Variants in RARB observed in about 807,000 individuals in gnomAD.
RARB encodes HBV-activated protein.
In RARB, 17 loss-of-function variants were observed where a neutral mutation model predicts 51.9. The ratio of observed to expected loss-of-function variants is 0.33; its 90% CI spans 0.22 to 0.49. The LOEUF (loss-of-function observed/expected upper bound fraction) is 0.49, where lower values mean the gene tolerates loss of function less well. RARB is among the 20% of genes least tolerant of loss of function. The pLI, the probability that RARB is intolerant of heterozygous loss-of-function variation, is 0.99. For synonymous variants in RARB, 215 were observed against 195.4 expected, an observed-to-expected ratio of 1.10 and a Z score of -0.84; for missense variants, 369 against 550.8, an observed-to-expected ratio of 0.67 and a Z score of 3.30.
At chr3:25,034,481 T>C (rs1357049396) in intron 2 of RARB, among the ~76,000 whole-genome samples, 1 of 152,174 alleles carries the variant, frequency 6.6e-6, no homozygotes, top group African/African-American at 2.4e-5. Context: ...GAAAAGTGTA[T>C]AGACAGTGAT....
chr3:25,541,508 C>T (rs146291675), intron 3 of RARB, among the ~76,000 whole-genome samples: 1 of 152,294 alleles, frequency 6.6e-6, no homozygotes, highest in East Asian at 1.9e-4. Context: ...GAGTCTAGCT[C>T]TGTATGGAGG....
chr3:25,489,239 G>A (rs1474135247), intron 2 of RARB, among the ~76,000 whole-genome samples: 1 of 152,186 alleles, frequency 6.6e-6, no homozygotes, highest in Non-Finnish European at 1.5e-5. Context: ...GCACTGTGCT[G>A]ACATAATATA....
At chr3:25,485,441 G>A (rs1696417712) in intron 2 of RARB, among the ~76,000 whole-genome samples, 1 of 152,144 alleles carries the variant, frequency 6.6e-6, no homozygotes, top group Admixed American at 6.5e-5. Context: ...TGGTTTCATG[G>A]CTTCAGGTCT....
chr3:25,148,815 C>G (rs1700236212), intron 4 of RARB, among the ~76,000 whole-genome samples: 1 of 152,168 alleles, frequency 6.6e-6, no homozygotes, highest in Non-Finnish European at 1.5e-5. Flanking sequence ...TATTCCCTTT[C>G]TCCTTTTAAA....
At chr3:24,948,764 A>G (rs1327171775) in intron 2 of RARB, among the ~76,000 whole-genome samples, 2 of 152,112 alleles carry the variant, frequency 1.3e-5, no homozygotes, top group African/African-American at 2.4e-5. Flanking sequence ...CACTAAGTTC[A>G]TGTGAGATCT....
intron 2 of RARB, among the ~76,000 whole-genome samples, chr3:25,013,583 T>C (rs1314367975): frequency 4.6e-5 from 7 of 152,090 alleles, no homozygotes; most frequent in Non-Finnish European, 4.4e-5. Flanking sequence ...CCATTTGCCC[T>C]CATCTCATTG....
chr3:25,267,144 G>T (rs1183212123), intron 5 of RARB, among the ~76,000 whole-genome samples: 1 of 152,210 alleles, frequency 6.6e-6, no homozygotes, highest in Non-Finnish European at 1.5e-5. Context: ...AGCTACAGCA[G>T]ATTGTACCGA....
At chr3:25,173,736 A>G (rs1245805037) in intron 4 of RARB, among the ~76,000 whole-genome samples, 4 of 152,252 alleles carry the variant, frequency 2.6e-5, no homozygotes, top group Admixed American at 2.6e-4. Flanking sequence ...AGCTTAAAGC[A>G]TAACTGTTAA....
At chr3:25,522,312 G>C (rs1404682330) in intron 3 of RARB, among the ~76,000 whole-genome samples, 3 of 152,124 alleles carry the variant, frequency 2.0e-5, no homozygotes, top group African/African-American at 4.8e-5. Context: ...TGGGAAGAGA[G>C]AAACTAAGAG....
intron 5 of RARB, among the ~76,000 whole-genome samples, chr3:25,272,709 C>G (rs1431778658): frequency 6.6e-6 from 1 of 152,152 alleles, no homozygotes; most frequent in African/African-American, 2.4e-5. Context: ...GTTCTCAACG[C>G]CTTAAGTAGT....
intron 5 of RARB, among the ~76,000 whole-genome samples, chr3:25,317,920 T>C (rs1280014981): frequency 9.9e-6 from 1 of 100,856 alleles, no homozygotes; most frequent in Non-Finnish European, 2.2e-5. Context: ...TTTTCACAAA[T>C]GCGGAATTAG....
chr3:25,511,159 G>A (rs927554363), intron 3 of RARB, among the ~76,000 whole-genome samples: 10 of 151,574 alleles, frequency 6.6e-5, no homozygotes, highest in Non-Finnish European at 1.0e-4. Flanking sequence ...TTGAGATGGC[G>A]TCTTGCTCTG....
chr3:25,006,597 A>G (rs1697277166), intron 2 of RARB, among the ~76,000 whole-genome samples: 1 of 152,258 alleles, frequency 6.6e-6, no homozygotes, highest in East Asian at 1.9e-4. Context: ...CCTTGTTTCT[A>G]TTTTTAAAGT....
chr3:24,851,268 A>G (rs1426229631), intron 1 of RARB, among the ~76,000 whole-genome samples: 1 of 152,040 alleles, frequency 6.6e-6, no homozygotes, highest in Non-Finnish European at 1.5e-5. Flanking sequence ...CCTCTACAAA[A>G]TATAAAAAGT....
At chr3:25,047,432 T>C (rs564614904) in intron 2 of RARB, among the ~76,000 whole-genome samples, 1 of 152,156 alleles carries the variant, frequency 6.6e-6, no homozygotes, top group South Asian at 2.1e-4. Flanking sequence ...TTAAAAAAAA[T>C]GTTTATGTAA....
chr3:25,455,606 C>T (rs1018434373), intron 1 of RARB, among the ~76,000 whole-genome samples: 2 of 152,222 alleles, frequency 1.3e-5, no homozygotes, highest in African/African-American at 2.4e-5. Context: ...GGTTCATTCT[C>T]ATCTTCCCTG....
At chr3:24,910,266 A>G (rs943648863) in intron 2 of RARB, among the ~76,000 whole-genome samples, 6 of 152,140 alleles carry the variant, frequency 3.9e-5, no homozygotes, top group Non-Finnish European at 8.8e-5. Flanking sequence ...GTTGAATTGC[A>G]TTTGCCTTTC....
chr3:24,934,349 A>G (rs1695504857), intron 2 of RARB, among the ~76,000 whole-genome samples: 1 of 152,070 alleles, frequency 6.6e-6, no homozygotes, highest in African/African-American at 2.4e-5. Flanking sequence ...TAGCCCAGAG[A>G]TATTCTGGCA....
intron 5 of RARB, among the ~76,000 whole-genome samples, chr3:25,342,961 G>C (rs544785209): frequency 6.6e-6 from 1 of 151,730 alleles, no homozygotes; most frequent in Non-Finnish European, 1.5e-5. Flanking sequence ...GTTTAAGAGG[G>C]GGGAGGGGAA....
Sources: gnomAD v4.1 joint callset for allele counts (sites outside exome capture counted in the v4.1 genomes callset) on GRCh38, gnomAD v4.1.1 for gene constraint, MANE v1.5 for transcripts, NCBI Gene and HGNC (gene_info 2026-07-23, HGNC 2026-07-21) for gene names.